The following SHC3 variants were observed in gnomAD, a reference collection of about 807,000 sequenced individuals.
SHC3 encodes the protein SHC adaptor protein 3.
Under a neutral mutation model 60.4 loss-of-function variants are expected in SHC3, and 15 were observed. That is an observed-to-expected ratio of 0.25 (90% CI 0.17 to 0.38). The LOEUF (loss-of-function observed/expected upper bound fraction) is 0.38, where lower values mean the gene tolerates loss of function less well. SHC3 is among the 10% of genes least tolerant of loss of function. SHC3 has a pLI of 1.00. For missense variants in SHC3, 677 were observed against 786.1 expected (o/e 0.86, Z 1.66); for synonymous variants, 294 against 325.9 (o/e 0.90, Z 1.05).
intron 11 of SHC3, among the ~76,000 whole-genome samples, chr9:89,029,810 A>G (rs2118665092): frequency 6.6e-6 from 1 of 152,348 alleles, no homozygotes; most frequent in Non-Finnish European, 1.5e-5. Context: ...TGATTTTAAA[A>G]GCATCTGTAA....
intron 2 of SHC3, among the ~76,000 whole-genome samples, chr9:89,093,943 A>G (rs1223303600): frequency 6.6e-6 from 1 of 152,010 alleles, no homozygotes; most frequent in Non-Finnish European, 1.5e-5. Flanking sequence ...ATCTCTACTA[A>G]AAGTACAAAA....
In SHC3 at chr9:89,013,448, C is replaced by T. The variant is rs1335146258; in HGVS notation, c.1784G>A (p.Ter595=). Residue 595 remains the stop codon, a stop_retained_variant, in exon 12 of 12, where the codon TGA becomes TAA. Coordinates refer to ENST00000375835, the MANE Select transcript of SHC3 (RefSeq NM_016848.6). ...GTGCTGGGAGCAGTGCTGGCCAGGT[C>T]ACTGCTTCCTCTCCACTGGCTGCTG... is the stretch of plus-strand genomic sequence containing the variant. ...CLQQPVERKQ[*] The T allele has an allele frequency of 6.2e-7, 1 of 1,611,526 alleles. No homozygotes were observed. Among genetic ancestry groups the T allele is most frequent in the Admixed American group, 1.7e-5 (1 of 59,736 alleles).
chr9:89,117,419 T>C (rs1432903994), intron 1 of SHC3, among the ~76,000 whole-genome samples: 2 of 152,246 alleles, frequency 1.3e-5, no homozygotes, highest in African/African-American at 4.8e-5. Flanking sequence ...CACATGCTTA[T>C]TGGCCATTTG....
chr9:89,075,067 TG>T, intron 4 of SHC3, 41 bp downstream of exon 4: 1 of 1,605,394 alleles, frequency 6.2e-7, no homozygotes, highest in Non-Finnish European at 8.5e-7. Context: ...ACTCATCACC[TG>T]GGGCTGTGGG....
intron 11 of SHC3, among the ~76,000 whole-genome samples, chr9:89,028,985 A>C (rs1824424431): frequency 6.7e-6 from 1 of 149,426 alleles, no homozygotes; most frequent in Non-Finnish European, 1.5e-5. Context: ...ATATAGATAT[A>C]GATATCTATA....
At chr9:89,030,521 C>T (rs901853137) in intron 11 of SHC3, among the ~76,000 whole-genome samples, 1 of 151,968 alleles carries the variant, frequency 6.6e-6, no homozygotes, top group Non-Finnish European at 1.5e-5. Flanking sequence ...CTGAATAGAC[C>T]TATAACAAGT....
At position 89,012,828 on chromosome 9, in the gene SHC3, G is replaced by T. The variant is rs1241043778; in HGVS notation, c.*619C>A. 2.0e-5 allele frequency: 3 copies of T among 152,250 alleles called. No individual in the cohort carries two copies. Among genetic ancestry groups the T allele is most frequent in the East Asian group, 3.9e-4 (2 of 5,188 alleles). 9.4% of individuals were successfully genotyped at this position (152,250 alleles called of 1,614,324 possible). A position where few individuals can be genotyped will look rare whatever the true frequency, so the allele number is the denominator to read the frequency against. On this transcript the variant is annotated 3_prime_UTR_variant, in exon 12 of 12. Coordinates refer to ENST00000375835, the MANE Select transcript of SHC3 (RefSeq NM_016848.6). ...CCACCTGTTCTTTAGTGAAGCTGCAGCGAGTTGTGTAGACACCCCAGGCAC... is the reference window on the plus strand; with the variant it reads ...CCACCTGTTCTTTAGTGAAGCTGCATCGAGTTGTGTAGACACCCCAGGCAC...
chr9:89,053,733 AG>A (rs1255305120), intron 6 of SHC3, among the ~76,000 whole-genome samples: 2 of 152,216 alleles, frequency 1.3e-5, no homozygotes, highest in African/African-American at 4.8e-5. Flanking sequence ...ATATTATTTT[AG>A]TATTGACATT....
chr9:89,165,941 G>A lies in SHC3; in HGVS notation c.474+12046C>T, dbSNP rs368617969. On this transcript the variant is annotated intron_variant, in intron 1 of 11. Coordinates refer to ENST00000375835, the MANE Select transcript of SHC3 (RefSeq NM_016848.6). ...CCTCTACTTTCATTCTTACTTTTCCGATGGTTTCTCCACACAGAAGGTAGA... is the reference window on the plus strand; with the variant it reads ...CCTCTACTTTCATTCTTACTTTTCCAATGGTTTCTCCACACAGAAGGTAGA... Among the ~76,000 whole-genome samples the A allele has an allele frequency of 1.2e-3, 181 of 152,092 alleles. 5 individuals carry two copies. In the South Asian group the frequency reaches 0.034, roughly 28 times the overall value.
At chr9:89,162,436 C>T (rs1358830516) in intron 1 of SHC3, among the ~76,000 whole-genome samples, 1 of 151,332 alleles carries the variant, frequency 6.6e-6, no homozygotes, top group Non-Finnish European at 1.5e-5. Flanking sequence ...AGAAATAATG[C>T]CGCATATCTA....
At position 89,049,090 on chromosome 9, in the gene SHC3, T is replaced by C. The variant is rs182862644; in HGVS notation, c.963-2096A>G. On this transcript the variant is annotated intron_variant, in intron 7 of 11. Transcript: ENST00000375835. ...TCCTGGCTAACACGGTGAAATCCCA[T>C]CTCTACTAAAAATACAAAAAATTAG... Among the ~76,000 whole-genome samples, 375 of 152,166 alleles carry C rather than the reference T, an allele frequency of 2.5e-3. 2 individuals carry two copies. The highest frequency in any genetic ancestry group is 8.6e-3 in the African/African-American group (355 of 41,504).
chr9:89,104,249 T>C (rs972741411), intron 2 of SHC3, among the ~76,000 whole-genome samples: 2 of 152,098 alleles, frequency 1.3e-5, no homozygotes, highest in African/African-American at 4.8e-5. Context: ...AAGTTAAAAA[T>C]AGAACTCTTA....
chr9:89,103,814 C>G (rs543964294), intron 2 of SHC3, among the ~76,000 whole-genome samples: 5 of 152,274 alleles, frequency 3.3e-5, no homozygotes, highest in African/African-American at 1.2e-4. Flanking sequence ...GTCATGTGCA[C>G]AAGGTCACAT....
intron 1 of SHC3, among the ~76,000 whole-genome samples, chr9:89,143,562 G>A (rs1826426628): frequency 6.6e-6 from 1 of 152,144 alleles, no homozygotes; most frequent in Non-Finnish European, 1.5e-5. Flanking sequence ...AGAAGGTGAA[G>A]GGAGTTGGGA....
chr9:89,170,513 G>T (rs1392654700), intron 1 of SHC3, among the ~76,000 whole-genome samples: 2 of 152,146 alleles, frequency 1.3e-5, no homozygotes, highest in African/African-American at 4.8e-5. Flanking sequence ...AAGCATGGTG[G>T]TGTGTGCCTG....
At chr9:89,021,012 C>T (rs1430555136) in intron 11 of SHC3, among the ~76,000 whole-genome samples, 1 of 152,156 alleles carries the variant, frequency 6.6e-6, no homozygotes, top group Admixed American at 6.5e-5. Flanking sequence ...ATCTGCTGAG[C>T]TGCAGCCCCA....
intron 1 of SHC3, among the ~76,000 whole-genome samples, chr9:89,116,026 G>A (rs573863034): frequency 6.6e-6 from 1 of 152,238 alleles, no homozygotes; most frequent in South Asian, 2.1e-4. Flanking sequence ...TCATAATTAT[G>A]TGACTATCAG....
chr9:89,034,833 GA>G (rs1824545791), intron 11 of SHC3, among the ~76,000 whole-genome samples: 1 of 152,170 alleles, frequency 6.6e-6, no homozygotes, highest in South Asian at 2.1e-4. Context: ...ATCTAATACA[GA>G]AAAATTGTTG....
chr9:89,053,870 G>T (rs112156143), intron 6 of SHC3, among the ~76,000 whole-genome samples: 2,184 of 152,256 alleles, frequency 0.014, 59 homozygotes, highest in African/African-American at 0.049. Flanking sequence ...AGGAGTCCAG[G>T]CCTGAGCAAG....
Sources: gnomAD v4.1 joint callset for allele counts (sites outside exome capture counted in the v4.1 genomes callset) on GRCh38, gnomAD v4.1.1 for gene constraint, MANE v1.5 for transcripts, NCBI Gene and HGNC (gene_info 2026-07-23, HGNC 2026-07-21) for gene names.